Variants in PRKCE observed in about 807,000 individuals in gnomAD.
The protein encoded by PRKCE is protein kinase C epsilon, also known as protein kinase C epsilon type.
Under a neutral mutation model 85.4 loss-of-function variants are expected in PRKCE, and 16 were observed. That is an observed-to-expected ratio of 0.19 (90% confidence interval 0.13 to 0.28). The LOEUF is 0.28. PRKCE is among the 10% of genes least tolerant of loss of function. PRKCE has a pLI of 1.00. For synonymous variants in PRKCE, 388 were observed against 371.5 expected (o/e 1.04, Z -0.51); for missense variants, 573 against 975.2 (o/e 0.59, Z 5.49).
intron 1 of PRKCE, among the ~76,000 whole-genome samples, chr2:45,834,814 C>G (rs1035991847): frequency 2.6e-5 from 4 of 152,136 alleles, no homozygotes; most frequent in African/African-American, 9.7e-5. Context: ...TAAGCAGTCT[C>G]CTATTCATGG....
chr2:45,982,441 G>A (rs912976922), intron 5 of PRKCE, among the ~76,000 whole-genome samples: 1 of 152,120 alleles, frequency 6.6e-6, no homozygotes. Context: ...ACACTCGGCC[G>A]GTCCCCCCCA....
At chr2:46,019,716 C>A (rs974788135) in intron 10 of PRKCE, among the ~76,000 whole-genome samples, 14 of 151,992 alleles carry the variant, frequency 9.2e-5, no homozygotes, top group Middle Eastern at 3.4e-3. Flanking sequence ...TTTCTAAGAA[C>A]TTACCAATGA....
chr2:46,121,926 TCATTTAC>T (rs1188719990), intron 11 of PRKCE, among the ~76,000 whole-genome samples: 1 of 152,164 alleles, frequency 6.6e-6, no homozygotes, highest in Non-Finnish European at 1.5e-5. Flanking sequence ...CCAAGGGAAA[TCATTTAC>T]ATTCACCAGT....
intron 11 of PRKCE, among the ~76,000 whole-genome samples, chr2:46,137,654 T>C (rs1675129525): frequency 6.9e-6 from 1 of 144,464 alleles, no homozygotes; most frequent in African/African-American, 2.6e-5. Flanking sequence ...TCCCAGCAAC[T>C]CAGGAGGCTG....
chr2:45,976,187 G>A (rs1261409971), intron 2 of PRKCE, among the ~76,000 whole-genome samples: 2 of 152,162 alleles, frequency 1.3e-5, no homozygotes, highest in East Asian at 1.9e-4. Flanking sequence ...ATTTGGATTG[G>A]ATGGAATCTG....
intron 1 of PRKCE, among the ~76,000 whole-genome samples, chr2:45,729,903 T>G (rs1681420122): frequency 6.6e-6 from 1 of 152,004 alleles, no homozygotes; most frequent in African/African-American, 2.4e-5. Flanking sequence ...CCACCTGGAG[T>G]CTTAAAAGAG....
chr2:46,034,942 C>T (rs1374755436), intron 10 of PRKCE, among the ~76,000 whole-genome samples: 1 of 152,210 alleles, frequency 6.6e-6, no homozygotes, highest in Non-Finnish European at 1.5e-5. Context: ...AGAGTGATAG[C>T]CCTACTATGT....
intron 10 of PRKCE, among the ~76,000 whole-genome samples, chr2:46,063,322 T>C (rs1399301817): frequency 3.3e-5 from 5 of 151,668 alleles, no homozygotes; most frequent in African/African-American, 1.2e-4. Context: ...GTTATACTTT[T>C]ATGTGTAAGA....
At chr2:45,734,252 C>G (rs910868864) in intron 1 of PRKCE, among the ~76,000 whole-genome samples, 3 of 151,900 alleles carry the variant, frequency 2.0e-5, no homozygotes, top group African/African-American at 4.8e-5. Flanking sequence ...GTAGTCCTAG[C>G]TACTTGGGAG....
intron 1 of PRKCE, among the ~76,000 whole-genome samples, chr2:45,807,463 A>G (rs1338707390): frequency 1.3e-5 from 2 of 152,252 alleles, no homozygotes. Flanking sequence ...TGTGACAGCT[A>G]GTGGTTGGTG....
intron 2 of PRKCE, among the ~76,000 whole-genome samples, chr2:45,854,679 G>A (rs1692538912): frequency 6.6e-6 from 1 of 152,206 alleles, no homozygotes; most frequent in African/African-American, 2.4e-5. Context: ...CCGAATACGG[G>A]CGTGAGTCCA....
At chr2:46,050,197 G>T (rs1025927832) in intron 10 of PRKCE, among the ~76,000 whole-genome samples, 13 of 152,232 alleles carry the variant, frequency 8.5e-5, no homozygotes, top group African/African-American at 3.1e-4. Flanking sequence ...CAAGAAAAAG[G>T]CCAAAGCTGG....
At chr2:45,721,854 G>A (rs1374229377) in intron 1 of PRKCE, among the ~76,000 whole-genome samples, 23 of 151,262 alleles carry the variant, frequency 1.5e-4, no homozygotes, top group Non-Finnish European at 2.9e-4. Context: ...TGCAGCTGCG[G>A]TGATGGAGAG....
At chr2:45,768,229 G>T (rs866611418) in intron 1 of PRKCE, among the ~76,000 whole-genome samples, 1 of 151,258 alleles carries the variant, frequency 6.6e-6, no homozygotes, top group Admixed American at 6.6e-5. Flanking sequence ...ATCAAAACAC[G>T]AAAGAGCCTT....
At chr2:45,867,969 G>C (rs1693741756) in intron 2 of PRKCE, among the ~76,000 whole-genome samples, 1 of 152,026 alleles carries the variant, frequency 6.6e-6, no homozygotes. Flanking sequence ...AAGTCCACTT[G>C]AAGTTTTTAA....
chr2:46,017,327 G>GTA (rs1307948368), intron 10 of PRKCE, among the ~76,000 whole-genome samples: 1 of 152,186 alleles, frequency 6.6e-6, no homozygotes, highest in Non-Finnish European at 1.5e-5. Context: ...TCTGTGACTA[G>GTA]TATATTTCAT....
At chr2:46,101,153 C>T (rs1024356112) in intron 11 of PRKCE, among the ~76,000 whole-genome samples, 8 of 152,192 alleles carry the variant, frequency 5.3e-5, no homozygotes, top group Non-Finnish European at 1.0e-4. Context: ...CAGGTGTGAG[C>T]CACCATGCCT....
chr2:46,177,322 C>T (rs1428158945), intron 14 of PRKCE, among the ~76,000 whole-genome samples: 1 of 152,082 alleles, frequency 6.6e-6, no homozygotes, highest in Admixed American at 6.6e-5. Flanking sequence ...GTATTAGTTG[C>T]CCAGGGCTAC....
At chr2:45,695,730 C>T (rs1678089373) in intron 1 of PRKCE, among the ~76,000 whole-genome samples, 1 of 152,166 alleles carries the variant, frequency 6.6e-6, no homozygotes, top group African/African-American at 2.4e-5. Context: ...GAGATCACGC[C>T]ACTGAACTCC....
Sources: gnomAD v4.1 joint callset for allele counts (sites outside exome capture counted in the v4.1 genomes callset) on GRCh38, gnomAD v4.1.1 for gene constraint, MANE v1.5 for transcripts, NCBI Gene and HGNC (gene_info 2026-07-23, HGNC 2026-07-21) for gene names.